The following QTGAL variants were observed in gnomAD, a reference collection of about 807,000 sequenced individuals.
QTGAL encodes BGnT-like protein 1.
the QTGAL span, among the ~76,000 whole-genome samples, chr17:82,964,039 A>T: frequency 7.7e-6 from 1 of 129,186 alleles, no homozygotes. Context: ...GGGGGGGTGG[A>T]TTGCTTGAGC....
chr17:82,976,481 T>C, the QTGAL span, among the ~76,000 whole-genome samples: 1 of 82,112 alleles, frequency 1.2e-5, no homozygotes, highest in Non-Finnish European at 2.2e-5. Flanking sequence ...CCGGACTCCA[T>C]CCTCCCAGGG....
the QTGAL span, among the ~76,000 whole-genome samples, chr17:83,016,879 A>C: frequency 6.6e-6 from 1 of 152,154 alleles, no homozygotes; most frequent in Non-Finnish European, 1.5e-5. Context: ...CACAGGCACC[A>C]CCTAAGGGGC....
chr17:83,010,589 C>T, the QTGAL span, among the ~76,000 whole-genome samples: 4 of 152,232 alleles, frequency 2.6e-5, no homozygotes, highest in Admixed American at 1.3e-4. Flanking sequence ...GAGGGGCTGA[C>T]GCCCCAGCCC....
chr17:82,972,619 C>CCA, the QTGAL span, among the ~76,000 whole-genome samples: 7 of 122,622 alleles, frequency 5.7e-5, no homozygotes, highest in African/African-American at 2.7e-4. Flanking sequence ...ACACACCACA[C>CCA]CATGGGCCAG....
chr17:82,951,780 G>C, the QTGAL span, among the ~76,000 whole-genome samples: 1 of 102,236 alleles, frequency 9.8e-6, no homozygotes, highest in Non-Finnish European at 1.8e-5. Context: ...GTGCCTCAGG[G>C]AATAGGGAGG....
At chr17:82,984,470 T>G in the QTGAL span, among the ~76,000 whole-genome samples, 2 of 38,510 alleles carry the variant, frequency 5.2e-5, no homozygotes, top group Non-Finnish European at 9.5e-5. Context: ...AGAGACCACG[T>G]GATTATGCAG....
At chr17:83,012,936 A>G in the QTGAL span, among the ~76,000 whole-genome samples, 999 of 151,238 alleles carry the variant, frequency 6.6e-3, 12 homozygotes, top group African/African-American at 0.023. Flanking sequence ...CCCACCCGAC[A>G]AGCAGACACT....
the QTGAL span, among the ~76,000 whole-genome samples, chr17:82,988,397 A>C: frequency 1.3e-5 from 2 of 152,268 alleles, no homozygotes; most frequent in Non-Finnish European, 2.9e-5. Context: ...CCAAAACTAC[A>C]AAAACCCTAC....
chr17:83,008,792 T>C, the QTGAL span, among the ~76,000 whole-genome samples: 1 of 151,668 alleles, frequency 6.6e-6, no homozygotes, highest in Non-Finnish European at 1.5e-5. Flanking sequence ...GGGCTCCAGA[T>C]GATCCCAGCC....
At chr17:83,009,109 T>G in the QTGAL span, among the ~76,000 whole-genome samples, 1 of 150,610 alleles carries the variant, frequency 6.6e-6, no homozygotes. Context: ...TCCCCCATCA[T>G]AAAACGTAAC....
chr17:83,051,686 G>C, the QTGAL span: 1 of 1,416,012 alleles, frequency 7.1e-7, no homozygotes, highest in Non-Finnish European at 9.2e-7. Context: ...GGGGTGAGGG[G>C]ACGCGAGGAC....
the QTGAL span, chr17:83,014,570 T>C: frequency 2.0e-5 from 32 of 1,578,456 alleles, no homozygotes; most frequent in Middle Eastern, 2.0e-4. Context: ...GATTGATGCA[T>C]AGACTAATAC....
At chr17:82,942,605 C>A in the QTGAL span, 1 of 1,123,954 alleles carries the variant, frequency 8.9e-7, no homozygotes, top group Non-Finnish European at 1.3e-6. Context: ...CACTAGCTGA[C>A]AGCTTTTCCT....
At chr17:82,972,439 CTAGAAGGA>C in the QTGAL span, among the ~76,000 whole-genome samples, 2 of 115,936 alleles carry the variant, frequency 1.7e-5, no homozygotes, top group African/African-American at 3.8e-5. Flanking sequence ...ACCACAGGGG[CTAGAAGGA>C]CCTGGTGCTG....
At chr17:82,962,028 G>A in the QTGAL span, among the ~76,000 whole-genome samples, 1 of 152,270 alleles carries the variant, frequency 6.6e-6, no homozygotes, top group African/African-American at 2.4e-5. Flanking sequence ...GGTTCTCTGC[G>A]GCAGCTCACC....
chr17:82,958,697 T>A, the QTGAL span, among the ~76,000 whole-genome samples: 3 of 151,630 alleles, frequency 2.0e-5, no homozygotes, highest in African/African-American at 7.3e-5. Flanking sequence ...GAGTCTACCT[T>A]TTCCTCCCCA....
At chr17:83,002,369 C>T in the QTGAL span, among the ~76,000 whole-genome samples, 1,034 of 152,276 alleles carry the variant, frequency 6.8e-3, 6 homozygotes, top group Non-Finnish European at 0.01. Context: ...AACGCCGAAC[C>T]GCATTCCGGT....
At chr17:83,023,817 A>G in the QTGAL span, among the ~76,000 whole-genome samples, 1 of 151,938 alleles carries the variant, frequency 6.6e-6, no homozygotes, top group Admixed American at 6.6e-5. Context: ...TGGAAACCCA[A>G]CCTTCATGGG....
the QTGAL span, among the ~76,000 whole-genome samples, chr17:82,953,010 A>G: frequency 6.6e-6 from 1 of 152,230 alleles, no homozygotes; most frequent in Non-Finnish European, 1.5e-5. Context: ...ACAGAGAGAC[A>G]ACGTACCAGA....
Sources: allele counts gnomAD v4.1 joint callset (sites outside exome capture counted in the v4.1 genomes callset), GRCh38; gene constraint gnomAD v4.1.1; transcripts MANE v1.5; gene names NCBI Gene and HGNC (gene_info 2026-07-23, HGNC 2026-07-21).